GREB1L: variants seen among roughly 807,000 people sequenced by gnomAD.
The protein encoded by GREB1L is GREB1-like protein.
Under a neutral mutation model 200.8 loss-of-function variants are expected in GREB1L, and 17 were observed. That is an observed-to-expected ratio of 0.08 (90% CI 0.06 to 0.13). GREB1L has a LOEUF of 0.13. Among genes scored for constraint, GREB1L ranks in the 10% least tolerant of loss-of-function variants. The pLI, the probability that GREB1L is intolerant of heterozygous loss-of-function variation, is 1.00. For synonymous variants in GREB1L, 789 were observed against 893.0 expected, an observed-to-expected ratio of 0.88 and a Z score of 2.08; for missense variants, 1,657 against 2,367.7, an observed-to-expected ratio of 0.70 and a Z score of 6.23.
At chr18:21,277,295 CT>C (rs2038184768) in intron 1 of GREB1L, among the ~76,000 whole-genome samples, 1 of 152,182 alleles carries the variant, frequency 6.6e-6, no homozygotes, top group South Asian at 2.1e-4. Context: ...AAGATTTAGC[CT>C]CCTGTGAGGC....
chr18:21,504,032 CA>C (rs1402936009), intron 23 of GREB1L, among the ~76,000 whole-genome samples: 2 of 149,814 alleles, frequency 1.3e-5, no homozygotes, highest in Admixed American at 1.4e-4. Flanking sequence ...ACCTCCGTCT[CA>C]GGGGTTCAAG....
At position 21,490,076 on chromosome 18, in the gene GREB1L, C is replaced by T. The variant is rs1159308038; in HGVS notation, c.2755C>T (p.Leu919=). The T allele has an allele frequency of 2.6e-6, 4 of 1,551,966 alleles. No homozygotes were observed. Among genetic ancestry groups the T allele is most frequent in the Non-Finnish European group, 2.6e-6 (3 of 1,147,054 alleles). Residue 919 remains leucine, a synonymous_variant, in exon 19 of 33, where the codon CTG becomes TTG. Coordinates refer to ENST00000424526, the MANE Select transcript of GREB1L (RefSeq NM_001142966.3). ...YLLIQQYSEA[L]MALTTMASLR... ...TCTCATCCAGCAGTACTCTGAGGCCCTGATGGCTCTCACCACCATGGCGTC... is the reference window on the plus strand; with the variant it reads ...TCTCATCCAGCAGTACTCTGAGGCCTTGATGGCTCTCACCACCATGGCGTC...
intron 1 of GREB1L, among the ~76,000 whole-genome samples, chr18:21,337,082 G>A (rs183709420): frequency 1.3e-5 from 2 of 152,008 alleles, no homozygotes; most frequent in African/African-American, 2.4e-5. Context: ...TGAACATTCC[G>A]CAGTGTTCTT....
intron 1 of GREB1L, among the ~76,000 whole-genome samples, chr18:21,309,678 C>T (rs1026414057): frequency 6.6e-6 from 1 of 152,144 alleles, no homozygotes; most frequent in Non-Finnish European, 1.5e-5. Context: ...TCCCCTGTAA[C>T]CTGCCCTAAA....
At chr18:21,307,832 C>T (rs192806459) in intron 1 of GREB1L, among the ~76,000 whole-genome samples, 16 of 152,244 alleles carry the variant, frequency 1.1e-4, no homozygotes, top group Admixed American at 2.6e-4. Context: ...CCGTGCCCCT[C>T]GACCTAAGGT....
At chr18:21,280,756 A>C (rs1387933916) in intron 1 of GREB1L, among the ~76,000 whole-genome samples, 1 of 152,020 alleles carries the variant, frequency 6.6e-6, no homozygotes, top group Non-Finnish European at 1.5e-5. Flanking sequence ...TCAGTTGTCT[A>C]ATAATTCTGG....
intron 1 of GREB1L, among the ~76,000 whole-genome samples, chr18:21,339,141 C>T (rs2039231416): frequency 6.6e-6 from 1 of 151,424 alleles, no homozygotes; most frequent in East Asian, 1.9e-4. Flanking sequence ...GAGCCGAGAT[C>T]GCACCTCTGC....
At chr18:21,455,454 G>A (rs1355393179) in intron 15 of GREB1L, among the ~76,000 whole-genome samples, 4 of 152,096 alleles carry the variant, frequency 2.6e-5, no homozygotes, top group Non-Finnish European at 4.4e-5. Context: ...GGCCAAGGCG[G>A]GTGGATCACT....
intron 7 of GREB1L, among the ~76,000 whole-genome samples, chr18:21,431,034 ATTTT>A (rs869075054): frequency 3.8e-5 from 3 of 78,308 alleles, no homozygotes; most frequent in Non-Finnish European, 9.3e-5. Context: ...TTATTTATTT[ATTTT>A]TGAGATGGAA....
chr18:21,525,428 T>C lies in GREB1L; in HGVS notation c.*2607T>C, dbSNP rs895302691. On this transcript the variant is annotated 3_prime_UTR_variant, in exon 33 of 33. Coordinates refer to ENST00000424526, the MANE Select transcript of GREB1L (RefSeq NM_001142966.3). ...ATCTCCCACCCCCTCCAAAAAGTTATTTTTTCTTTATAGTTTTCTGGCATG... is the reference window on the plus strand; with the variant it reads ...ATCTCCCACCCCCTCCAAAAAGTTACTTTTTCTTTATAGTTTTCTGGCATG... 1.3e-5 allele frequency: 2 copies of C among 152,246 alleles called. No individual in the cohort carries two copies. The highest frequency in any genetic ancestry group is 2.1e-4 in the South Asian group (1 of 4,828). 9.4% of individuals were successfully genotyped at this position (152,246 alleles called of 1,614,324 possible). A position where few individuals can be genotyped will look rare whatever the true frequency, so the allele number is the denominator to read the frequency against.
chr18:21,448,029 G>A (rs2034319787), intron 11 of GREB1L, among the ~76,000 whole-genome samples: 2 of 151,980 alleles, frequency 1.3e-5, no homozygotes, highest in African/African-American at 2.4e-5. Context: ...CAGGCATGTT[G>A]GGCATGCCTG....
At chr18:21,515,802 C>T (rs1053842079) in intron 29 of GREB1L, among the ~76,000 whole-genome samples, 158 bp downstream of exon 29, 4 of 152,140 alleles carry the variant, frequency 2.6e-5, no homozygotes, top group Non-Finnish European at 5.9e-5. Context: ...CAAAGTGTGC[C>T]CCTTTATCAG....
intron 11 of GREB1L, among the ~76,000 whole-genome samples, chr18:21,445,594 A>T (rs1000576080): frequency 1.3e-5 from 2 of 152,214 alleles, no homozygotes; most frequent in African/African-American, 4.8e-5. Context: ...GTGTTAGGAG[A>T]TAATAAAAAC....
At chr18:21,422,571 C>T (rs1486641824) in intron 7 of GREB1L, among the ~76,000 whole-genome samples, 3 of 152,024 alleles carry the variant, frequency 2.0e-5, no homozygotes, top group African/African-American at 4.8e-5. Context: ...GGATTCTGCA[C>T]CTCACTTTTT....
At chr18:21,510,116 A>C (rs2037178554) in intron 27 of GREB1L, among the ~76,000 whole-genome samples, 1 of 151,492 alleles carries the variant, frequency 6.6e-6, no homozygotes, top group Admixed American at 6.6e-5. Context: ...CAGGAGTCTG[A>C]GGCAGGAGAA....
chr18:21,327,989 C>G (rs1180746030), intron 1 of GREB1L, among the ~76,000 whole-genome samples: 4 of 152,212 alleles, frequency 2.6e-5, no homozygotes, highest in African/African-American at 4.8e-5. Context: ...GCTGGGATTA[C>G]AGGCGTGAGC....
chr18:21,457,372 T>G (rs968454474), intron 15 of GREB1L, among the ~76,000 whole-genome samples: 10 of 152,218 alleles, frequency 6.6e-5, no homozygotes, highest in African/African-American at 2.4e-4. Flanking sequence ...ATACTGAAAT[T>G]TTTGCTGCAA....
At position 21,267,189 on chromosome 18, in the gene GREB1L, C is replaced by CT. The variant is rs751150056; in HGVS notation, c.-120+24817dup. The stretch of plus-strand genomic sequence containing the variant: ...CCTCGTGATCTGCCTGCCTCGGCCG[C>CT]TTTTTTTTTTTTTTTTTTTTTGAGA... On this transcript the variant is annotated intron_variant, in intron 1 of 32. Coordinates refer to ENST00000424526, the MANE Select transcript of GREB1L (RefSeq NM_001142966.3). Among the ~76,000 whole-genome samples, 993 of 108,718 alleles carry CT rather than the reference C, an allele frequency of 9.1e-3. 19 individuals carry two copies. Among genetic ancestry groups the CT allele is most frequent in the Middle Eastern group, 0.015 (2 of 136 alleles). 71.3% of individuals were successfully genotyped at this position (108,718 alleles called of 152,430 possible).
intron 7 of GREB1L, among the ~76,000 whole-genome samples, chr18:21,436,235 A>G (rs2033526713): frequency 6.6e-6 from 1 of 152,168 alleles, no homozygotes; most frequent in African/African-American, 2.4e-5. Flanking sequence ...TATCATAGGG[A>G]TAATTCAGGA....
Sources: gnomAD v4.1 joint callset for allele counts (sites outside exome capture counted in the v4.1 genomes callset) on GRCh38, gnomAD v4.1.1 for gene constraint, MANE v1.5 for transcripts, NCBI Gene and HGNC (gene_info 2026-07-23, HGNC 2026-07-21) for gene names.